KANK2: variants seen among roughly 807,000 people sequenced by gnomAD.
The protein encoded by KANK2 is KN motif and ankyrin repeat domains 2.
Under a neutral mutation model 74.6 loss-of-function variants are expected in KANK2, and 41 were observed. The ratio of observed to expected loss-of-function variants is 0.55; its 90% CI spans 0.43 to 0.71. The LOEUF is 0.71. KANK2 is among the 30% of genes least tolerant of loss of function. KANK2 has a pLI of 0.00. For missense variants in KANK2, 1,148 were observed against 1,196.4 expected (o/e 0.96, Z 0.60); for synonymous variants, 537 against 519.0 (o/e 1.03, Z -0.47).
rs564310366 is a variant in KANK2, at chr19:11,186,500, C to T, written c.1249+6331G>A. ...ATCAACTGAGGTCAGGAGTTGGAGA[C>T]GAGCCTGACCAACATGGAGAAACCC... On this transcript the variant is annotated intron_variant, in intron 4 of 12. Coordinates refer to ENST00000586659, the MANE Select transcript of KANK2 (RefSeq NM_001136191.3). 1.1e-4 allele frequency among the ~76,000 whole-genome samples: 17 copies of T among 152,136 alleles called. No homozygotes were observed. The South Asian group carries it at 2.1e-3, about 19-fold the overall frequency.
chr19:11,176,944 T>A lies in KANK2; in HGVS notation c.1521-127A>T, dbSNP rs984767907. On this transcript the variant is annotated intron_variant, in intron 6 of 12. Coordinates refer to ENST00000586659, the MANE Select transcript of KANK2 (RefSeq NM_001136191.3). ...CTTCCCCATCTGTTCAATGGCAGTATTGACATTCCAGGGTTGTGGGATGTG... is the reference window on the plus strand; with the variant it reads ...CTTCCCCATCTGTTCAATGGCAGTAATGACATTCCAGGGTTGTGGGATGTG... 8.1e-6 allele frequency: 9 copies of A among 1,113,028 alleles called. No homozygotes were observed. In the East Asian group the frequency reaches 2.4e-4, roughly 29 times the overall value. 68.9% of individuals were successfully genotyped at this position (1,113,028 alleles called of 1,614,324 possible). A position where few individuals can be genotyped will look rare whatever the true frequency, so the allele number is the denominator to read the frequency against.
intron 6 of KANK2, among the ~76,000 whole-genome samples, chr19:11,178,129 A>T (rs1476857639): frequency 6.6e-6 from 1 of 152,174 alleles, no homozygotes; most frequent in Non-Finnish European, 1.5e-5. Flanking sequence ...CTCTTGAGCC[A>T]GGGCACGCAG....
At chr19:11,187,055 A>C (rs2078696975) in intron 4 of KANK2, among the ~76,000 whole-genome samples, 1 of 152,154 alleles carries the variant, frequency 6.6e-6, no homozygotes, top group Non-Finnish European at 1.5e-5. Context: ...CAGGAGTTCG[A>C]GACCAGCCTG....
chr19:11,196,233 T>C (rs1366886246), intron 1 of KANK2: 1 of 152,214 alleles, frequency 6.6e-6, no homozygotes, highest in Non-Finnish European at 1.5e-5. Context: ...TAATTCTGTA[T>C]TTTTAGTAGA....
chr19:11,169,239 G>A (rs2078105184), intron 12 of KANK2, among the ~76,000 whole-genome samples: 2 of 152,168 alleles, frequency 1.3e-5, no homozygotes, highest in African/African-American at 4.8e-5. Context: ...TTTGGAGACT[G>A]AGGCAGGAGA....
chr19:11,177,395 C>T (rs1014018268), intron 6 of KANK2, among the ~76,000 whole-genome samples: 1 of 152,080 alleles, frequency 6.6e-6, no homozygotes, highest in Admixed American at 6.6e-5. Context: ...CGCTCTGTCG[C>T]CCAGGCTAGA....
upstream of KANK2, chr19:11,197,830 T>G (rs1389697221): frequency 6.6e-6 from 1 of 151,500 alleles, no homozygotes; most frequent in Non-Finnish European, 1.5e-5. Context: ...CCTGGGCCGC[T>G]GCGGGGGGCG....
intron 4 of KANK2, among the ~76,000 whole-genome samples, chr19:11,191,469 C>T (rs761034123): frequency 3.3e-4 from 51 of 152,338 alleles, no homozygotes; most frequent in Admixed American, 8.5e-4. Flanking sequence ...TGGGAAGCAC[C>T]CCCTTCCTCC....
chr19:11,194,206 C>G (rs1159508644), intron 3 of KANK2, among the ~76,000 whole-genome samples, 164 bp from the exon 4 acceptor site: 2 of 152,092 alleles, frequency 1.3e-5, no homozygotes, highest in African/African-American at 4.8e-5. Flanking sequence ...GGCTATGCCT[C>G]CCCTTCAGAC....
chr19:11,168,538 A>C (rs2078087171), intron 12 of KANK2, among the ~76,000 whole-genome samples: 1 of 151,966 alleles, frequency 6.6e-6, no homozygotes, highest in Non-Finnish European at 1.5e-5. Flanking sequence ...CGGCCCCACA[A>C]GGTGCTGGGA....
chr19:11,184,786 G>A (rs898861118), intron 4 of KANK2, among the ~76,000 whole-genome samples: 11 of 148,176 alleles, frequency 7.4e-5, no homozygotes, highest in African/African-American at 2.7e-4. Flanking sequence ...CAGAGAAGCA[G>A]GCAGTGACTT....
chr19:11,193,026 G>C lies in KANK2; in HGVS notation c.1054C>G (p.Gln352Glu), dbSNP rs895055277. The C allele has an allele frequency of 6.2e-7, 1 of 1,612,676 alleles. No homozygotes were observed. ...TAAGGCTCCAGGCTCTGGGCCCGCTGTGCGGGGGCGCCAGCGGCTGTGCTG... is the reference window on the plus strand; with the variant it reads ...TAAGGCTCCAGGCTCTGGGCCCGCTCTGCGGGGGCGCCAGCGGCTGTGCTG... Reference protein sequence around the residue: ...VASTAAGAPAQRAQSLEPYGT... With the variant: ...VASTAAGAPAERAQSLEPYGT... The change falls in exon 4 of 13, where the codon CAG (glutamine) becomes GAG (glutamate). Residue 352 changes from glutamine to glutamate, a missense_variant. By Grantham distance (29) the Gln-to-Glu change is conservative. Coordinates refer to ENST00000586659, the MANE Select transcript of KANK2 (RefSeq NM_001136191.3). This position sits in a 1 kb window ranked among gnomAD's most constrained non-coding sequence, Gnocchi z 9.6.
intron 4 of KANK2, among the ~76,000 whole-genome samples, chr19:11,189,098 T>TCCCCCCCCCCC (rs71297565): frequency 2.4e-5 from 3 of 126,474 alleles, no homozygotes; most frequent in Admixed American, 1.9e-4. Flanking sequence ...ATTGATTCTC[T>TCCCCCCCCCCC]CCCCCCCCAC....
At chr19:11,188,572 AC>A (rs373409058) in intron 4 of KANK2, among the ~76,000 whole-genome samples, 21 of 147,784 alleles carry the variant, frequency 1.4e-4, no homozygotes, top group Admixed American at 4.1e-4. Context: ...AGTTTGTTCA[AC>A]CCCTTGATAA....
In KANK2 at chr19:11,172,974, C is replaced by T. The variant is rs1238548652; in HGVS notation, c.2211+7G>A. On this transcript the variant is annotated splice_region_variant and intron_variant, in intron 10 of 12. Transcript: ENST00000586659. ...ACCTGGATCTGCAGCAGCCGGGGTC[C>T]CCATACCTGGCTGGCTTTGGCATTG... 9.9e-6 allele frequency: 16 copies of T among 1,612,434 alleles called. No homozygotes were observed. The highest frequency in any genetic ancestry group is 2.2e-5 in the South Asian group (2 of 90,910).
At chr19:11,197,605 G>A (rs1013652138), upstream of KANK2, 1 of 151,378 alleles carries the variant, frequency 6.6e-6, no homozygotes, top group East Asian at 1.9e-4. Context: ...CCTCCGGCTG[G>A]TCCCGCCCCC....
rs2078931799 is a variant in KANK2 at position 11,193,750 on chromosome 19, C to A, written c.330G>T (p.Gln110His). ...YSYCGRGFYP[Q>H]YGALETRGGF... ...CACCGCGGGTCTCCAGAGCACCATACTGAGGGTAGAAGCCACGGCCGCAGT... is the reference window on the plus strand; with the variant it reads ...CACCGCGGGTCTCCAGAGCACCATAATGAGGGTAGAAGCCACGGCCGCAGT... Residue 110 changes from glutamine (Q) to histidine (H), a missense_variant, in exon 4 of 13, where the codon CAG (glutamine) becomes CAT (histidine). By Grantham distance (24) the Gln-to-His change is conservative (BLOSUM62 0). Transcript: ENST00000586659. This position sits in a 1 kb window ranked among gnomAD's most constrained non-coding sequence, Gnocchi z 9.6. The A allele has an allele frequency of 5.6e-6, 9 of 1,612,572 alleles. No individual in the cohort carries two copies. Among genetic ancestry groups the A allele is most frequent in the Non-Finnish European group, 7.6e-6 (9 of 1,179,704 alleles).
Position 11,190,903 on chromosome 19 carries a change from G to A in KANK2, c.1249+1928C>T, listed in dbSNP as rs143153182. On this transcript the variant is annotated intron_variant, in intron 4 of 12. Transcript: ENST00000586659. ...CGGCCACCACGCCCGGCTAATTTTT[G>A]TATTTTTAGTAGAGACAGGGTTTCA... Among the ~76,000 whole-genome samples the A allele has an allele frequency of 5.2e-3, 790 of 151,970 alleles. 6 individuals are homozygous for A. The highest frequency in any genetic ancestry group is 0.018 in the African/African-American group (743 of 41,414).
chr19:11,172,012 G>C (rs2078189737), intron 10 of KANK2, among the ~76,000 whole-genome samples: 2 of 142,666 alleles, frequency 1.4e-5, no homozygotes, highest in South Asian at 4.4e-4. Context: ...GTCTCACTCT[G>C]TAGCCCAGGC....
Sources: gnomAD v4.1 joint callset for allele counts (sites outside exome capture counted in the v4.1 genomes callset) on GRCh38, gnomAD v4.1.1 for gene constraint, Gnocchi (gnomAD v3.1) non-coding constraint, MANE v1.5 for transcripts, NCBI Gene and HGNC (gene_info 2026-07-23, HGNC 2026-07-21) for gene names.